TGFBR3: variants seen among roughly 807,000 people sequenced by gnomAD.
TGFBR3 encodes transforming growth factor beta receptor type 3.
TGFBR3 carries 46 observed loss-of-function variants against 87.9 expected under a neutral mutation model. The ratio of observed to expected loss-of-function variants is 0.52; its 90% CI spans 0.41 to 0.67. TGFBR3 has a LOEUF of 0.67. Among genes scored for constraint, TGFBR3 ranks in the 30% least tolerant of loss-of-function variants. The probability of loss-of-function intolerance (pLI) is 0.00; values close to 1 mark genes in which losing one functional copy is unlikely to be tolerated. For missense variants in TGFBR3, 866 were observed against 1,041.9 expected (o/e 0.83, Z 2.32); for synonymous variants, 381 against 391.6 (o/e 0.97, Z 0.32).
chr1:91,874,340 A>G (rs953656162), intron 1 of TGFBR3, among the ~76,000 whole-genome samples: 1 of 152,174 alleles, frequency 6.6e-6, no homozygotes, highest in African/African-American at 2.4e-5. Context: ...GTGCTCAGGG[A>G]CCAACAGTCA....
chr1:91,789,026 G>A (rs1032178690), intron 3 of TGFBR3, among the ~76,000 whole-genome samples: 2 of 152,178 alleles, frequency 1.3e-5, no homozygotes, highest in African/African-American at 2.4e-5. Context: ...AGCTGGGCAC[G>A]GTGGCTCACG....
chr1:91,768,844 A>G (rs284187), intron 3 of TGFBR3, among the ~76,000 whole-genome samples: 83,012 of 151,860 alleles, frequency 0.55, 23,278 homozygotes, highest in Middle Eastern at 0.59. Flanking sequence ...TGGCAATGTG[A>G]GAATGGACTA....
intron 5 of TGFBR3, 109 bp from the exon 6 acceptor site, chr1:91,730,082 C>T (rs775973409): frequency 3.5e-5 from 44 of 1,244,884 alleles, no homozygotes; most frequent in African/African-American, 7.4e-5. Flanking sequence ...CAGGGAACCA[C>T]GAGCTCAAAG....
chr1:91,887,236 CTT>C (rs71087977), upstream of TGFBR3, among the ~76,000 whole-genome samples: 190 of 41,374 alleles, frequency 4.6e-3, no homozygotes, highest in African/African-American at 0.021. Context: ...GGACCTATGC[CTT>C]TTTTTTTTTT....
intron 4 of TGFBR3, among the ~76,000 whole-genome samples, chr1:91,738,406 GCA>G (rs1418039307): frequency 1.3e-5 from 2 of 152,162 alleles, no homozygotes; most frequent in African/African-American, 4.8e-5. Flanking sequence ...GATCATGGGG[GCA>G]GATCCCCCCA....
chr1:91,827,044 G>T lies in TGFBR3; in HGVS notation c.62-29573C>A, dbSNP rs186222816. Among the ~76,000 whole-genome samples, 33 of 152,246 alleles carry T rather than the reference G, an allele frequency of 2.2e-4. No homozygotes were observed. The East Asian group carries it at 6.4e-3, about 29-fold the overall frequency. On this transcript the variant is annotated intron_variant, in intron 2 of 16. Transcript: ENST00000212355. ...ACAGATGAACATAGTTGCCTTTATT[G>T]ATTCAAGCAAAGACCACATTTTACT...
chr1:91,697,122 A>T (rs1926263), intron 15 of TGFBR3, among the ~76,000 whole-genome samples: 19,398 of 152,198 alleles, frequency 0.13, 1,367 homozygotes, highest in East Asian at 0.26. Context: ...CTAGTCCTTA[A>T]AACTGATATT....
intron 2 of TGFBR3, among the ~76,000 whole-genome samples, chr1:91,817,447 A>G (rs1034708335): frequency 6.6e-6 from 1 of 152,354 alleles, no homozygotes; most frequent in Admixed American, 6.5e-5. Context: ...AATAAAGAAC[A>G]CTATGACCTT....
chr1:91,720,239 AG>A lies in TGFBR3; in HGVS notation c.1076-10del. The A allele has an allele frequency of 6.4e-7, 1 of 1,569,194 alleles. No individual in the cohort carries two copies. The highest frequency in any genetic ancestry group is 8.7e-7 in the Non-Finnish European group (1 of 1,155,186). On this transcript the variant is annotated splice_polypyrimidine_tract_variant and intron_variant, in intron 8 of 16. Coordinates refer to ENST00000212355, the MANE Select transcript of TGFBR3 (RefSeq NM_003243.5). The stretch of plus-strand genomic sequence containing the variant: ...ATCTCCCATCTCCTCTGCTGGTGAA[AG>A]AAGAAGGCAAAACATCAGCAGTGTT...
At chr1:91,888,635 G>C (rs929445315), upstream of TGFBR3, among the ~76,000 whole-genome samples, 8 of 152,196 alleles carry the variant, frequency 5.3e-5, no homozygotes, top group Non-Finnish European at 1.0e-4. Context: ...CCAGGAGGCA[G>C]AGGTTGCAGT....
At chr1:91,745,131 C>T (rs115827896) in intron 4 of TGFBR3, among the ~76,000 whole-genome samples, 2,755 of 152,230 alleles carry the variant, frequency 0.018, 71 homozygotes, top group African/African-American at 0.059. Context: ...TGCTCTAACT[C>T]GCACATCCAA....
chr1:91,827,058 C>T (rs1164719133), intron 2 of TGFBR3, among the ~76,000 whole-genome samples: 2 of 152,262 alleles, frequency 1.3e-5, no homozygotes, highest in Admixed American at 6.5e-5. Flanking sequence ...CAAGCAAAGA[C>T]CACATTTTAC....
chr1:91,886,876 A>C (rs1256099311), upstream of TGFBR3, among the ~76,000 whole-genome samples: 2 of 152,104 alleles, frequency 1.3e-5, no homozygotes, highest in Non-Finnish European at 2.9e-5. Flanking sequence ...GCGCGATATG[A>C]ACGACAGTCT....
intron 16 of TGFBR3, among the ~76,000 whole-genome samples, chr1:91,692,414 G>C (rs1236507227): frequency 6.6e-6 from 1 of 152,036 alleles, no homozygotes; most frequent in Non-Finnish European, 1.5e-5. Flanking sequence ...GAGTCTTGTA[G>C]GATTATTTCA....
chr1:91,768,329 A>C (rs1303410434), intron 3 of TGFBR3, among the ~76,000 whole-genome samples: 1 of 152,198 alleles, frequency 6.6e-6, no homozygotes, highest in Non-Finnish European at 1.5e-5. Context: ...TTGTACATAT[A>C]AACTATCTCA....
rs1670935631 is a variant in TGFBR3 at position 91,682,355 on chromosome 1, C to G, written c.*1384G>C. ...GGAAAAAGAATAATTTGCAATGAAG[C>G]TATCTTCAGCAGTAAAATAATTTAG... On this transcript the variant is annotated 3_prime_UTR_variant, in exon 17 of 17. Transcript: ENST00000212355. The G allele has an allele frequency of 2.2e-6, 1 of 450,694 alleles. No homozygotes were observed. The highest frequency in any genetic ancestry group is 1.6e-5 in the South Asian group (1 of 64,308). The allele number at this position is 450,694 out of a possible 1,614,324, so 27.9% of individuals were successfully genotyped here. A position where few individuals can be genotyped will look rare whatever the true frequency, so the allele number is the denominator to read the frequency against.
intron 1 of TGFBR3, among the ~76,000 whole-genome samples, chr1:91,904,733 A>G (rs1570353095): frequency 6.6e-6 from 1 of 151,672 alleles, no homozygotes; most frequent in East Asian, 1.9e-4. Context: ...CCTGGCTAAT[A>G]TTTGTACTTT....
chr1:91,816,146 G>A (rs561950272), intron 2 of TGFBR3, among the ~76,000 whole-genome samples: 1 of 152,178 alleles, frequency 6.6e-6, no homozygotes, highest in East Asian at 1.9e-4. Flanking sequence ...AGCTCATGGA[G>A]AAAGCAACAG....
chr1:91,756,003 CACTT>C (rs1398169993), intron 4 of TGFBR3, among the ~76,000 whole-genome samples: 1 of 152,214 alleles, frequency 6.6e-6, no homozygotes, highest in African/African-American at 2.4e-5. Flanking sequence ...TATGTGATCT[CACTT>C]ACTCAAGATA....
Sources: gnomAD v4.1 joint callset for allele counts (sites outside exome capture counted in the v4.1 genomes callset) on GRCh38, gnomAD v4.1.1 for gene constraint, MANE v1.5 for transcripts, NCBI Gene and HGNC (gene_info 2026-07-23, HGNC 2026-07-21) for gene names.